Variants in IBSP observed in about 807,000 individuals in gnomAD.
IBSP encodes the protein integrin-binding sialoprotein.
A neutral mutation model predicts 25.5 loss-of-function variants in IBSP; 19 were observed. The observed-to-expected ratio is 0.74, with a 90% CI of 0.52 to 1.09. The LOEUF is 1.09. IBSP is among the 50% of genes least tolerant of loss of function. IBSP has a pLI of 0.00. For synonymous variants in IBSP, 144 were observed against 137.6 expected, an observed-to-expected ratio of 1.05 and a Z score of -0.33; for missense variants, 360 against 382.3, an observed-to-expected ratio of 0.94 and a Z score of 0.49.
intron 4 of IBSP, among the ~76,000 whole-genome samples, chr4:87,803,853 T>C (rs1231873118): frequency 1.3e-5 from 2 of 152,210 alleles, no homozygotes; most frequent in Non-Finnish European, 1.5e-5. Flanking sequence ...GTTTGCTTTG[T>C]TCTCTTTTTT....
intron 5 of IBSP, among the ~76,000 whole-genome samples, chr4:87,807,919 A>G (rs549442723): frequency 5.9e-5 from 9 of 152,206 alleles, no homozygotes; most frequent in Non-Finnish European, 1.2e-4. Flanking sequence ...TTTGGTTTTG[A>G]AACTTCAGAG....
At chr4:87,808,481 A>G (rs1227127689) in intron 5 of IBSP, among the ~76,000 whole-genome samples, 2 of 152,118 alleles carry the variant, frequency 1.3e-5, no homozygotes, top group African/African-American at 2.4e-5. Context: ...GCGCCCAGAC[A>G]TAAAAGAAAC....
intron 4 of IBSP, 95 bp from the exon 5 acceptor site, chr4:87,806,027 T>C (rs1722083181): frequency 4.4e-6 from 4 of 911,898 alleles, no homozygotes; most frequent in Non-Finnish European, 7.0e-6. Context: ...TATTTGTGTG[T>C]ATTTTATTGT....
chr4:87,808,800 T>C (rs1207344809), intron 5 of IBSP, among the ~76,000 whole-genome samples: 1 of 152,232 alleles, frequency 6.6e-6, no homozygotes, highest in Non-Finnish European at 1.5e-5. Flanking sequence ...TTATTCTCAT[T>C]GTTAGTATTT....
intron 1 of IBSP, among the ~76,000 whole-genome samples, chr4:87,800,510 TTGGTCACGGC>T (rs1415900409): frequency 1.3e-5 from 2 of 152,158 alleles, no homozygotes; most frequent in Non-Finnish European, 2.9e-5. Context: ...GCTGATGGGC[TTGGTCACGGC>T]TGGCAAAGTT....
Position 87,811,838 on chromosome 4 carries a change from A to G in IBSP, c.882A>G (p.Glu294=), listed in dbSNP as rs775274494. 2 of 1,601,844 alleles carry G rather than the reference A, an allele frequency of 1.2e-6. No homozygotes were observed. The highest frequency in any genetic ancestry group is 1.7e-5 in the Admixed American group (1 of 58,850). Residue 294 remains glutamate (E), a synonymous_variant, in exon 7 of 7, where the codon GAA becomes GAG. Transcript: ENST00000226284. The part of the protein sequence containing the change: ...EPRGDNYRAY[E]DEYSYFKGQG... ...GTGGGGACAATTACCGAGCCTATGA[A>G]GATGAGTACAGCTACTTTAAAGGAC...
At position 87,811,343 on chromosome 4, in the gene IBSP, T is replaced by C. The variant is rs769610765; in HGVS notation, c.406-19T>C. On this transcript the variant is annotated intron_variant, in intron 6 of 6. Coordinates refer to ENST00000226284, the MANE Select transcript of IBSP (RefSeq NM_004967.4). ...TTTTTCACAGCTAGATTTGGGTTCT[T>C]TCAAACGTTTCCTTACAGGCTGGGG... The C allele has an allele frequency of 3.2e-6, 5 of 1,578,590 alleles. No individual in the cohort carries two copies. Among genetic ancestry groups the C allele is most frequent in the Admixed American group, 3.8e-5 (2 of 52,318 alleles).
At position 87,809,001 on chromosome 4, in the gene IBSP, A is replaced by G. The variant is rs571175893; in HGVS notation, c.247-1605A>G. On this transcript the variant is annotated intron_variant, in intron 5 of 6. Coordinates refer to ENST00000226284, the MANE Select transcript of IBSP (RefSeq NM_004967.4). Reference sequence around the variant, plus strand: ...GGAGTCGAAATCTACTGAGGCATATATATTCAACCTTAGTAGATGGCAACC... The same window carrying G: ...GGAGTCGAAATCTACTGAGGCATATGTATTCAACCTTAGTAGATGGCAACC... 2.0e-5 allele frequency among the ~76,000 whole-genome samples: 3 copies of G among 152,312 alleles called. No homozygotes were observed. The South Asian group carries it at 6.2e-4, about 32-fold the overall frequency.
chr4:87,800,751 T>A (rs985648821), intron 1 of IBSP, among the ~76,000 whole-genome samples: 1 of 152,186 alleles, frequency 6.6e-6, no homozygotes, highest in Non-Finnish European at 1.5e-5. Context: ...TAGTGTCAGA[T>A]ACTCAGTAAG....
Position 87,810,471 on chromosome 4 carries a change from T to C in IBSP, c.247-135T>C, listed in dbSNP as rs1450685392. 14 of 669,216 alleles carry C rather than the reference T, an allele frequency of 2.1e-5. No homozygotes were observed. In the East Asian group the frequency reaches 3.5e-4, roughly 17 times the overall value. 41.5% of individuals were successfully genotyped at this position (669,216 alleles called of 1,614,324 possible). ...GCAAATGGCATAGGGGAAGGCAGGC[T>C]TTGAGTGATCAGCCAGCTGAGGGAT... On this transcript the variant is annotated intron_variant, in intron 5 of 6. Coordinates refer to ENST00000226284, the MANE Select transcript of IBSP (RefSeq NM_004967.4).
intron 4 of IBSP, among the ~76,000 whole-genome samples, chr4:87,805,128 C>T (rs774917993): frequency 1.3e-5 from 2 of 152,108 alleles, no homozygotes; most frequent in Admixed American, 1.3e-4. Context: ...CAGGGACAGT[C>T]CCACAGGACC....
chr4:87,811,899 C>T lies in IBSP; in HGVS notation c.943C>T (p.His315Tyr). The T allele has an allele frequency of 1.3e-6, 2 of 1,519,808 alleles. No individual in the cohort carries two copies. The highest frequency in any genetic ancestry group is 1.8e-6 in the Non-Finnish European group (2 of 1,134,684). 94.1% of individuals were successfully genotyped at this position (1,519,808 alleles called of 1,614,324 possible). The part of the protein sequence containing the change: ...YDGYDGQNYY[H>Y]HQ ...TGGCTATGATGGTCAGAATTACTAC[C>T]ACCACCAGTGAAGCTCCAGCCTGGG... The change falls in exon 7 of 7, where the codon CAC becomes TAC. Residue 315 changes from histidine to tyrosine, a missense_variant. Coordinates refer to ENST00000226284, the MANE Select transcript of IBSP (RefSeq NM_004967.4).
In IBSP at chr4:87,811,302, G is replaced by A. The variant is rs1722166761; in HGVS notation, c.406-60G>A. On this transcript the variant is annotated intron_variant, in intron 6 of 6. Transcript: ENST00000226284. ...TCAGTATTGTGTTGCATGAAATGAC[G>A]GCCTTAAATTTTACATTTTTCACAG... The A allele has an allele frequency of 2.6e-6, 4 of 1,530,892 alleles. No individual in the cohort carries two copies. The Admixed American group carries it at 6.4e-5, about 25-fold the overall frequency. 94.8% of individuals were successfully genotyped at this position (1,530,892 alleles called of 1,614,324 possible). A position where few individuals can be genotyped will look rare whatever the true frequency, so the allele number is the denominator to read the frequency against.
Position 87,811,606 on chromosome 4 carries a change from C to A in IBSP, c.650C>A (p.Thr217Asn). ...GCCAATGCAGAAGACACCACAGAGACCGGAAGGCAGGGCAAGGGCACCTCG... is the reference window on the plus strand; with the variant it reads ...GCCAATGCAGAAGACACCACAGAGAACGGAAGGCAGGGCAAGGGCACCTCG... The part of the protein sequence containing the change: ...TGANAEDTTE[T>N]GRQGKGTSKT... The change falls in exon 7 of 7, where the codon ACC (threonine) becomes AAC (asparagine). Residue 217 changes from threonine (T) to asparagine (N), a missense_variant. Coordinates refer to ENST00000226284, the MANE Select transcript of IBSP (RefSeq NM_004967.4). 7 of 1,613,812 alleles carry A rather than the reference C, an allele frequency of 4.3e-6. No individual in the cohort carries two copies. Among genetic ancestry groups the A allele is most frequent in the Non-Finnish European group, 5.9e-6 (7 of 1,179,928 alleles).
rs1411066741 is a variant in IBSP, at chr4:87,811,924, G to T, written c.*14G>T. On this transcript the variant is annotated 3_prime_UTR_variant, in exon 7 of 7. Transcript: ENST00000226284. ...CACCACCAGTGAAGCTCCAGCCTGGGATGAATTCATCCATTCTGGCTTTGC... is the reference window on the plus strand; with the variant it reads ...CACCACCAGTGAAGCTCCAGCCTGGTATGAATTCATCCATTCTGGCTTTGC... The T allele has an allele frequency of 6.6e-7, 1 of 1,509,026 alleles. No homozygotes were observed. The highest frequency in any genetic ancestry group is 8.9e-7 in the Non-Finnish European group (1 of 1,129,510). The allele number at this position is 1,509,026 out of a possible 1,614,324, so 93.5% of individuals were successfully genotyped here.
intron 4 of IBSP, 94 bp downstream of exon 4, chr4:87,802,825 A>G (rs992765418): frequency 2.6e-6 from 2 of 784,212 alleles, no homozygotes; most frequent in South Asian, 5.0e-5. Flanking sequence ...TTCAACTCTC[A>G]CTGAAATTCA....
rs778480257 is a variant in IBSP at position 87,806,139 on chromosome 4, C to T, written c.201C>T (p.Ser67=). 180 of 1,610,566 alleles carry T rather than the reference C, an allele frequency of 1.1e-4. 3 individuals carry two copies. The South Asian group carries it at 1.5e-3, about 14-fold the overall frequency. ...ATTTTTAGGGCAGTAGTGACTCATCCGAAGAAAATGGAGATGACAGTTCAG... is the reference window on the plus strand; with the variant it reads ...ATTTTTAGGGCAGTAGTGACTCATCTGAAGAAAATGGAGATGACAGTTCAG... ...RFPVQGSSDS[S]EENGDDSSEE... is the part of the protein sequence containing the mutation. Residue 67 remains serine (S), a synonymous_variant, in exon 5 of 7, where the codon TCC becomes TCT. Transcript: ENST00000226284.
intron 5 of IBSP, among the ~76,000 whole-genome samples, chr4:87,808,553 T>C (rs1388646595): frequency 6.6e-6 from 1 of 152,156 alleles, no homozygotes; most frequent in African/African-American, 2.4e-5. Context: ...ATTTCAGAAA[T>C]TGAACACGTA....
chr4:87,802,350 G>A lies in IBSP; in HGVS notation c.-12G>A. 6.3e-7 allele frequency: 1 copy of A among 1,599,490 alleles called. No individual in the cohort carries two copies. Among genetic ancestry groups the A allele is most frequent in the South Asian group, 1.1e-5 (1 of 88,414 alleles). On this transcript the variant is annotated splice_region_variant and 5_prime_UTR_variant, in exon 2 of 7. Transcript: ENST00000226284. ...CCTTACCACTTCATTAATTCCAGAAGCAATCACCAAAATGAAGACTGCTTT... is the reference window on the plus strand; with the variant it reads ...CCTTACCACTTCATTAATTCCAGAAACAATCACCAAAATGAAGACTGCTTT...
Sources: gnomAD v4.1 joint callset for allele counts (sites outside exome capture counted in the v4.1 genomes callset) on GRCh38, gnomAD v4.1.1 for gene constraint, MANE v1.5 for transcripts, NCBI Gene and HGNC (gene_info 2026-07-23, HGNC 2026-07-21) for gene names.